Variants in ANKRD33B observed in about 807,000 individuals in gnomAD.
The protein encoded by ANKRD33B is ankyrin repeat domain 33B.
A neutral mutation model predicts 21.5 loss-of-function variants in ANKRD33B; 6 were observed. That is an observed-to-expected ratio of 0.28 (90% CI 0.15 to 0.55). The LOEUF (loss-of-function observed/expected upper bound fraction) is 0.55. Among genes scored for constraint, ANKRD33B ranks in the 20% least tolerant of loss-of-function variants. ANKRD33B has a pLI of 0.94. For missense variants in ANKRD33B, 698 were observed against 747.2 expected, an observed-to-expected ratio of 0.93 and a Z score of 0.77; for synonymous variants, 347 against 342.4, an observed-to-expected ratio of 1.01 and a Z score of -0.15.
At chr5:10,616,336 G>A (rs34035288) in intron 1 of ANKRD33B, among the ~76,000 whole-genome samples, 10,577 of 152,172 alleles carry the variant, frequency 0.07, 468 homozygotes, top group Middle Eastern at 0.1. Flanking sequence ...GGAGACTGAG[G>A]TGGGTAGATC....
In ANKRD33B at chr5:10,590,895, G is replaced by C. The variant is rs114319923; in HGVS notation, c.366+26062G>C. Among the ~76,000 whole-genome samples, 487 of 152,146 alleles carry C rather than the reference G, an allele frequency of 3.2e-3. 3 individuals are homozygous for C. Among genetic ancestry groups the C allele is most frequent in the African/African-American group, 0.011 (461 of 41,504 alleles). The stretch of plus-strand genomic sequence containing the variant: ...CGCCTTCTTTCTGGAATACAATCAG[G>C]CCTGCAAGTCCTGGTCGTCTTGGAA... On this transcript the variant is annotated intron_variant, in intron 1 of 3. Transcript: ENST00000296657.
intron 3 of ANKRD33B, among the ~76,000 whole-genome samples, chr5:10,639,668 T>C (rs867686289): frequency 0.011 from 337 of 29,682 alleles, 5 homozygotes; most frequent in East Asian, 0.038. Flanking sequence ...GCGGGTGACG[T>C]GGGGTTGCGC....
intron 1 of ANKRD33B, among the ~76,000 whole-genome samples, chr5:10,607,379 G>GAAGGTGGC (rs1161047374): frequency 6.6e-6 from 1 of 152,196 alleles, no homozygotes; most frequent in Non-Finnish European, 1.5e-5. Flanking sequence ...CAAGAAAAGG[G>GAAGGTGGC]AAGGTGGCAC....
intron 1 of ANKRD33B, among the ~76,000 whole-genome samples, chr5:10,600,094 A>C (rs1373549620): frequency 1.3e-5 from 2 of 152,262 alleles, no homozygotes; most frequent in East Asian, 1.9e-4. Context: ...CTCATGACTC[A>C]GTGACTAATG....
At chr5:10,603,800 T>C (rs1353759541) in intron 1 of ANKRD33B, among the ~76,000 whole-genome samples, 4 of 152,214 alleles carry the variant, frequency 2.6e-5, no homozygotes, top group Admixed American at 6.5e-5. Context: ...TAAAATTCTT[T>C]ATATACCTCA....
At chr5:10,620,747 C>A (rs1107176) in intron 2 of ANKRD33B, among the ~76,000 whole-genome samples, 2 of 152,046 alleles carry the variant, frequency 1.3e-5, no homozygotes, top group Non-Finnish European at 2.9e-5. Context: ...CTTGGTGTGT[C>A]CTATCAGGAC....
intron 1 of ANKRD33B, among the ~76,000 whole-genome samples, chr5:10,606,563 G>T (rs1184685368): frequency 6.6e-6 from 1 of 152,026 alleles, no homozygotes; most frequent in African/African-American, 2.4e-5. Context: ...GTGAAGCCCT[G>T]TCTCTACTAA....
chr5:10,601,324 C>T (rs55828305), intron 1 of ANKRD33B, among the ~76,000 whole-genome samples: 16,136 of 152,164 alleles, frequency 0.11, 1,312 homozygotes, highest in African/African-American at 0.22. Context: ...CGTGGAAGCC[C>T]GTCATGACCC....
At chr5:10,573,777 G>T (rs900841608) in intron 1 of ANKRD33B, among the ~76,000 whole-genome samples, 3 of 152,172 alleles carry the variant, frequency 2.0e-5, no homozygotes, top group Admixed American at 6.5e-5. Flanking sequence ...GAACAGCAAG[G>T]GGGAATCTGC....
At chr5:10,593,937 G>A (rs138814039) in intron 1 of ANKRD33B, among the ~76,000 whole-genome samples, 2,054 of 152,224 alleles carry the variant, frequency 0.013, 31 homozygotes, top group Middle Eastern at 0.031. Context: ...TCTCTGAGCC[G>A]AATTCTGGTC....
intron 1 of ANKRD33B, among the ~76,000 whole-genome samples, chr5:10,617,520 C>T (rs1736310958): frequency 6.6e-6 from 1 of 152,254 alleles, no homozygotes; most frequent in South Asian, 2.1e-4. Flanking sequence ...GCTGCCCCCA[C>T]CCTGGTGTGA....
intron 1 of ANKRD33B, among the ~76,000 whole-genome samples, chr5:10,610,945 G>A (rs1484103164): frequency 6.6e-6 from 1 of 152,194 alleles, no homozygotes; most frequent in Non-Finnish European, 1.5e-5. Context: ...CTGGGAGGCC[G>A]AGGCAGGAGA....
chr5:10,607,321 G>A (rs927488457), intron 1 of ANKRD33B, among the ~76,000 whole-genome samples: 13 of 152,198 alleles, frequency 8.5e-5, no homozygotes, highest in Non-Finnish European at 1.5e-5. Flanking sequence ...CACTCCGGAG[G>A]CCCAGTCTGG....
At position 10,619,421 on chromosome 5, in the gene ANKRD33B, A is replaced by G; in HGVS notation, c.496+959A>G. On this transcript the variant is annotated intron_variant, in intron 2 of 3. Transcript: ENST00000296657. The surrounding 1 kb of genome is among the most constrained non-coding windows in gnomAD (Gnocchi z 4.5). ...GGGAAATGGCTGTTGCTGTCACCAA[A>G]AGGAGACCTCCTTGTCCCTTGTTGC... 1.0e-6 allele frequency: 1 copy of G among 973,682 alleles called. No homozygotes were observed. The allele number at this position is 973,682 out of a possible 1,614,324, so 60.3% of individuals were successfully genotyped here.
At chr5:10,589,246 C>T (rs183204152) in intron 1 of ANKRD33B, among the ~76,000 whole-genome samples, 11 of 151,696 alleles carry the variant, frequency 7.3e-5, no homozygotes, top group Middle Eastern at 6.9e-3. Flanking sequence ...ACCTGCTGGT[C>T]GAAGGAGCAG....
intron 1 of ANKRD33B, among the ~76,000 whole-genome samples, chr5:10,588,146 A>G (rs1294023883): frequency 1.3e-5 from 2 of 152,254 alleles, no homozygotes; most frequent in African/African-American, 2.4e-5. Flanking sequence ...TATTCAGATA[A>G]CATAAAAAGG....
intron 2 of ANKRD33B, among the ~76,000 whole-genome samples, chr5:10,637,086 G>C (rs1736883998): frequency 6.6e-6 from 1 of 152,184 alleles, no homozygotes; most frequent in Non-Finnish European, 1.5e-5. Flanking sequence ...ACACTGAAGT[G>C]GGGGAGGGGG....
chr5:10,613,126 G>A (rs568602841), intron 1 of ANKRD33B, among the ~76,000 whole-genome samples: 3 of 152,230 alleles, frequency 2.0e-5, no homozygotes, highest in African/African-American at 7.2e-5. Context: ...TGGGCCTCTG[G>A]TGCTTCAGTC....
At chr5:10,623,231 C>T (rs968414133) in intron 2 of ANKRD33B, among the ~76,000 whole-genome samples, 4 of 152,212 alleles carry the variant, frequency 2.6e-5, no homozygotes, top group Non-Finnish European at 4.4e-5. Flanking sequence ...CATAGACCAC[C>T]TCTCCTTTTC....
Sources: allele counts gnomAD v4.1 joint callset (sites outside exome capture counted in the v4.1 genomes callset), GRCh38; gene constraint gnomAD v4.1.1; non-coding constraint Gnocchi (gnomAD v3.1); transcripts MANE v1.5; gene names NCBI Gene and HGNC (gene_info 2026-07-23, HGNC 2026-07-21).